The following PACS1 variants were observed in gnomAD, a reference collection of about 807,000 sequenced individuals.
PACS1 encodes the protein phosphofurin acidic cluster sorting protein 1.
In PACS1, 24 loss-of-function variants were observed where a neutral mutation model predicts 115.0. That is an observed-to-expected ratio of 0.21 (90% CI 0.15 to 0.29). PACS1 has a LOEUF of 0.29. Ranked by LOEUF, PACS1 falls within the 10% of genes least tolerant of loss-of-function variation. PACS1 has a pLI of 1.00. For missense variants in PACS1, 838 were observed against 1,251.2 expected (o/e 0.67, Z 4.98); for synonymous variants, 453 against 504.5 (o/e 0.90, Z 1.37).
chr11:66,235,682 G>A lies in PACS1; in HGVS notation c.2208-216G>A, dbSNP rs1196405995. 2.6e-5 allele frequency among the ~76,000 whole-genome samples: 4 copies of A among 152,066 alleles called. No homozygotes were observed. The highest frequency in any genetic ancestry group is 1.9e-4 in the East Asian group (1 of 5,182). On this transcript the variant is annotated intron_variant, in intron 18 of 23. Transcript: ENST00000320580. This position sits in a 1 kb window ranked among gnomAD's most constrained non-coding sequence, Gnocchi z 5.6. ...AACTCAGACGTGGGAAGCAGGGAGCGTAGCTTGCATGATCAGGTCATTTGC... is the reference window on the plus strand; with the variant it reads ...AACTCAGACGTGGGAAGCAGGGAGCATAGCTTGCATGATCAGGTCATTTGC...
At chr11:66,207,783 T>G (rs78574511) in intron 2 of PACS1, among the ~76,000 whole-genome samples, 6,878 of 152,156 alleles carry the variant, frequency 0.045, 459 homozygotes, top group East Asian at 0.18. Flanking sequence ...GTTTTGTTTT[T>G]TTTTGAGACG....
chr11:66,232,775 C>T (rs931842877), intron 14 of PACS1, among the ~76,000 whole-genome samples, 185 bp from the exon 15 acceptor site: 5 of 152,204 alleles, frequency 3.3e-5, no homozygotes, highest in Admixed American at 1.3e-4. Context: ...CTGCGTGTCT[C>T]GTGGGTCGGC....
intron 1 of PACS1, among the ~76,000 whole-genome samples, chr11:66,102,704 A>G (rs1379379606): frequency 1.3e-5 from 2 of 152,198 alleles, no homozygotes; most frequent in Admixed American, 1.3e-4. Context: ...AGGAATAAAA[A>G]TACTGCTCTC....
chr11:66,081,110 G>A (rs1857468661), intron 1 of PACS1, among the ~76,000 whole-genome samples: 1 of 152,010 alleles, frequency 6.6e-6, no homozygotes, highest in South Asian at 2.1e-4. Flanking sequence ...GCACACGCCT[G>A]TGGTCCCAGC....
intron 10 of PACS1, among the ~76,000 whole-genome samples, chr11:66,224,798 C>T (rs1019690199): frequency 6.6e-6 from 1 of 152,212 alleles, no homozygotes; most frequent in Admixed American, 6.5e-5. Context: ...GGAAAAACCA[C>T]GAGATTGTGC....
intron 1 of PACS1, among the ~76,000 whole-genome samples, chr11:66,173,091 G>T (rs561036731): frequency 2.7e-3 from 383 of 142,500 alleles, no homozygotes; most frequent in Non-Finnish European, 5.0e-3. Context: ...TTTGATTTTG[G>T]TTTTTTTTTT....
Position 66,244,490 on chromosome 11 carries a change from G to C in PACS1, c.*1210G>C, listed in dbSNP as rs879364375. 6.6e-6 allele frequency: 1 copy of C among 152,382 alleles called. No individual in the cohort carries two copies. Among genetic ancestry groups the C allele is most frequent in the African/African-American group, 2.4e-5 (1 of 41,426 alleles). 9.4% of individuals were successfully genotyped at this position (152,382 alleles called of 1,614,324 possible). A position where few individuals can be genotyped will look rare whatever the true frequency, so the allele number is the denominator to read the frequency against. On this transcript the variant is annotated 3_prime_UTR_variant, in exon 24 of 24. Transcript: ENST00000320580. ...CCCAGCCCTCTGCACCCCCCAGCCC[G>C]GCCATCTGCGCCCCACAGCCCCTTT...
chr11:66,213,479 G>A (rs1855125236), intron 4 of PACS1, among the ~76,000 whole-genome samples: 1 of 152,232 alleles, frequency 6.6e-6, no homozygotes, highest in African/African-American at 2.4e-5. Flanking sequence ...GTAGAGGATG[G>A]TGTTCAGAAA....
intron 16 of PACS1, 82 bp downstream of exon 16, chr11:66,234,021 T>C (rs895681456): frequency 7.6e-6 from 12 of 1,572,302 alleles, no homozygotes; most frequent in Non-Finnish European, 1.0e-5. Context: ...ACGGTGGGGT[T>C]GGGGCCTAGG....
intron 10 of PACS1, among the ~76,000 whole-genome samples, chr11:66,222,962 A>G (rs184570351): frequency 3.8e-4 from 57 of 150,580 alleles, no homozygotes; most frequent in Admixed American, 1.8e-3. Flanking sequence ...TCCCTGGGAG[A>G]AACCCCAGCC....
chr11:66,203,092 G>T (rs1006964107), intron 2 of PACS1, among the ~76,000 whole-genome samples: 1 of 152,062 alleles, frequency 6.6e-6, no homozygotes, highest in African/African-American at 2.4e-5. Flanking sequence ...CAAATGATAT[G>T]CTCTTCTATG....
intron 1 of PACS1, among the ~76,000 whole-genome samples, chr11:66,185,474 A>G (rs1463575275): frequency 1.3e-5 from 2 of 152,154 alleles, no homozygotes; most frequent in Admixed American, 6.5e-5. Context: ...GACTGGCTGG[A>G]GAACCCCAGC....
At chr11:66,112,007 C>T (rs11227411) in intron 1 of PACS1, among the ~76,000 whole-genome samples, 31,245 of 152,100 alleles carry the variant, frequency 0.21, 3,300 homozygotes, top group Middle Eastern at 0.27. Context: ...TGATTCTGAA[C>T]CCTTCCCATC....
intron 2 of PACS1, among the ~76,000 whole-genome samples, chr11:66,206,214 G>T (rs953977501): frequency 6.6e-6 from 1 of 152,130 alleles, no homozygotes; most frequent in Non-Finnish European, 1.5e-5. Flanking sequence ...ATATTTTAAT[G>T]TGCTATGTTA....
At chr11:66,170,856 G>C (rs1304842249) in intron 1 of PACS1, among the ~76,000 whole-genome samples, 1 of 146,514 alleles carries the variant, frequency 6.8e-6, no homozygotes, top group Admixed American at 6.7e-5. Flanking sequence ...ATTGCAGTGA[G>C]CCGAGATTGT....
intron 1 of PACS1, among the ~76,000 whole-genome samples, chr11:66,083,157 T>C (rs1857516895): frequency 6.6e-6 from 1 of 152,208 alleles, no homozygotes; most frequent in South Asian, 2.1e-4. Flanking sequence ...CATGCACTGC[T>C]TTTGCTGTGG....
chr11:66,204,991 T>C (rs999145046), intron 2 of PACS1, among the ~76,000 whole-genome samples: 1 of 149,838 alleles, frequency 6.7e-6, no homozygotes, highest in Non-Finnish European at 1.5e-5. Context: ...TTTAAAAACT[T>C]TTTTTTTTTT....
At chr11:66,095,374 A>G (rs1857756980) in intron 1 of PACS1, among the ~76,000 whole-genome samples, 1 of 152,150 alleles carries the variant, frequency 6.6e-6, no homozygotes, top group African/African-American at 2.4e-5. Context: ...TCAATGTACA[A>G]AAATCACAAG....
chr11:66,120,954 C>G, intron 1 of PACS1: 1 of 453,412 alleles, frequency 2.2e-6, no homozygotes, highest in South Asian at 1.5e-5. Flanking sequence ...ACGCCTCTCT[C>G]TGCTTCCCAC....
Sources: allele counts gnomAD v4.1 joint callset (sites outside exome capture counted in the v4.1 genomes callset), GRCh38; gene constraint gnomAD v4.1.1; non-coding constraint Gnocchi (gnomAD v3.1); transcripts MANE v1.5; gene names NCBI Gene and HGNC (gene_info 2026-07-23, HGNC 2026-07-21).